STK32C: variants seen among roughly 807,000 people sequenced by gnomAD.
The protein encoded by STK32C is serine/threonine-protein kinase 32C.
A neutral mutation model predicts 56.5 loss-of-function variants in STK32C; 31 were observed. The ratio of observed to expected loss-of-function variants is 0.55; its 90% CI spans 0.41 to 0.74. STK32C has a LOEUF of 0.74. Ranked by LOEUF, STK32C falls within the 30% of genes least tolerant of loss-of-function variation. The probability of loss-of-function intolerance (pLI) is 0.00; values close to 1 mark genes in which losing one functional copy is unlikely to be tolerated. For missense variants in STK32C, 544 were observed against 676.9 expected, an observed-to-expected ratio of 0.80 and a Z score of 2.18; for synonymous variants, 309 against 289.4, an observed-to-expected ratio of 1.07 and a Z score of -0.69.
intron 4 of STK32C, 137 bp from the exon 5 acceptor site, chr10:132,225,921 C>G (rs918773024): frequency 8.6e-7 from 1 of 1,156,346 alleles, no homozygotes; most frequent in Admixed American, 1.8e-5. Flanking sequence ...TTGACTTGGT[C>G]CTTGGATGAT....
intron 1 of STK32C, among the ~76,000 whole-genome samples, chr10:132,275,678 C>T (rs930096201): frequency 3.9e-5 from 6 of 152,208 alleles, no homozygotes; most frequent in Non-Finnish European, 8.8e-5. Flanking sequence ...CGCATCATGC[C>T]GCAGGGATGA....
chr10:132,249,040 TCCCGACTGTGCGACG>T (rs776266007), intron 1 of STK32C: 13 of 473,840 alleles, frequency 2.7e-5, no homozygotes, highest in South Asian at 2.0e-4. Context: ...CTGCAAAGCC[TCCCGACTGTGCGACG>T]GAGGCGGCGG....
chr10:132,213,731 T>A (rs989846525), intron 10 of STK32C, among the ~76,000 whole-genome samples: 1 of 152,106 alleles, frequency 6.6e-6, no homozygotes, highest in African/African-American at 2.4e-5. Context: ...TTGAAATAAC[T>A]GTGATTAATA....
At chr10:132,275,925 T>C (rs1026030448) in intron 1 of STK32C, among the ~76,000 whole-genome samples, 4 of 151,994 alleles carry the variant, frequency 2.6e-5, no homozygotes, top group African/African-American at 9.7e-5. Flanking sequence ...CCCCTCTGCC[T>C]AGGAAACCTC....
intron 10 of STK32C, among the ~76,000 whole-genome samples, chr10:132,219,978 C>T (rs940960772): frequency 6.6e-6 from 1 of 152,152 alleles, no homozygotes; most frequent in Non-Finnish European, 1.5e-5. Context: ...ATCACCGTCA[C>T]CCTGACATCA....
chr10:132,313,021 C>A (rs1278155509), intron 1 of STK32C, among the ~76,000 whole-genome samples: 1 of 152,192 alleles, frequency 6.6e-6, no homozygotes, highest in Non-Finnish European at 1.5e-5. Flanking sequence ...GCCTGGGCGA[C>A]AGAGCGAGAC....
intron 10 of STK32C, among the ~76,000 whole-genome samples, chr10:132,212,836 T>C (rs2818409): frequency 0.89 from 134,899 of 152,270 alleles, 60,026 homozygotes; most frequent in East Asian, 1. Context: ...TTCCTGGACC[T>C]ATCAGAGAGC....
intron 1 of STK32C, among the ~76,000 whole-genome samples, chr10:132,258,167 GA>G (rs1228085662): frequency 6.6e-6 from 1 of 152,256 alleles, no homozygotes; most frequent in African/African-American, 2.4e-5. Context: ...CTGACCTAGA[GA>G]GGGGGGCAGC....
chr10:132,323,605 A>G (rs1432912858), downstream of STK32C, among the ~76,000 whole-genome samples: 3 of 152,242 alleles, frequency 2.0e-5, no homozygotes, highest in Non-Finnish European at 2.9e-5. This position sits in a 1 kb window ranked among gnomAD's most constrained non-coding sequence, Gnocchi z 4.8. Flanking sequence ...AATTCAGGTT[A>G]AAGAATTTAA....
At position 132,222,646 on chromosome 10, in the gene STK32C, G is replaced by A. The variant is rs2062722517; in HGVS notation, c.1246C>T (p.Gln416Ter). ...KSRDNSRDSSQSENDYLQDCL... is the reference protein window; with the variant it reads ...KSRDNSRDSS ...GAGCCTGCCCTGGCACTCACGGACTGGGAGCTGTCCCTGCTGTTGTCCCGG... is the reference window on the plus strand; with the variant it reads ...GAGCCTGCCCTGGCACTCACGGACTAGGAGCTGTCCCTGCTGTTGTCCCGG... The change falls in exon 10 of 12, where the codon CAG becomes TAG. Residue 416 changes from glutamine (Q) to a stop codon, truncating the protein, a stop_gained. Transcript: ENST00000298630. LOFTEE classifies it high-confidence loss of function. The A allele has an allele frequency of 6.2e-7, 1 of 1,612,428 alleles. No individual in the cohort carries two copies. The highest frequency in any genetic ancestry group is 8.5e-7 in the Non-Finnish European group (1 of 1,179,896).
intron 2 of STK32C, among the ~76,000 whole-genome samples, chr10:132,231,712 T>C (rs1177834343): frequency 6.6e-6 from 1 of 152,160 alleles, no homozygotes; most frequent in Non-Finnish European, 1.5e-5. Context: ...ATAGACACCC[T>C]GATAAAAGAC....
chr10:132,308,213 C>A (rs549059931), upstream of STK32C, among the ~76,000 whole-genome samples: 47 of 152,216 alleles, frequency 3.1e-4, 1 homozygote, highest in East Asian at 8.9e-3. Flanking sequence ...TTCGCCGGGA[C>A]ACGGGGACCA....
intron 2 of STK32C, 80 bp downstream of exon 2, chr10:132,245,820 G>A (rs772372788): frequency 6.4e-6 from 9 of 1,414,632 alleles, no homozygotes; most frequent in Non-Finnish European, 8.9e-6. Context: ...GGAGTAGGTG[G>A]GCTCAGGGGA....
chr10:132,321,728 G>A (rs1281473743), downstream of STK32C, among the ~76,000 whole-genome samples: 2 of 152,196 alleles, frequency 1.3e-5, no homozygotes, highest in African/African-American at 4.8e-5. Flanking sequence ...CTACTGCTGA[G>A]GCAGGAGAAT....
exon 1 of STK32C, chr10:132,331,677 C>T: frequency 6.2e-7 from 1 of 1,612,786 alleles, no homozygotes; most frequent in Non-Finnish European, 8.5e-7. Flanking sequence ...TTCTGCTCGG[C>T]TGTCCTCGAG....
At chr10:132,220,530 G>A (rs1419707033) in intron 10 of STK32C, among the ~76,000 whole-genome samples, 1 of 152,206 alleles carries the variant, frequency 6.6e-6, no homozygotes, top group Non-Finnish European at 1.5e-5. Flanking sequence ...ACATAGCAGA[G>A]GATCAAAGAC....
downstream of STK32C, among the ~76,000 whole-genome samples, chr10:132,322,170 A>G (rs1053228009): frequency 1.3e-5 from 2 of 152,188 alleles, no homozygotes; most frequent in Non-Finnish European, 2.9e-5. Flanking sequence ...TAGTAAAGTG[A>G]AGCATCTTTT....
At chr10:132,209,178 G>A in intron 10 of STK32C, 77 bp from the exon 11 acceptor site, 1 of 1,387,632 alleles carries the variant, frequency 7.2e-7, no homozygotes, top group Non-Finnish European at 1.0e-6. Flanking sequence ...TGAGTGTCTG[G>A]GCATCCCCAT....
chr10:132,242,726 T>C (rs1168620283), intron 2 of STK32C, among the ~76,000 whole-genome samples: 2 of 152,206 alleles, frequency 1.3e-5, no homozygotes, highest in African/African-American at 2.4e-5. Flanking sequence ...TGTTTTCTTT[T>C]TCCCCCACGA....
Sources: gnomAD v4.1 joint callset for allele counts (sites outside exome capture counted in the v4.1 genomes callset) on GRCh38, gnomAD v4.1.1 for gene constraint, Gnocchi (gnomAD v3.1) non-coding constraint, MANE v1.5 for transcripts, NCBI Gene and HGNC (gene_info 2026-07-23, HGNC 2026-07-21) for gene names.